The following EPN2 variants were observed in gnomAD, a reference collection of about 807,000 sequenced individuals.
EPN2 encodes the protein epsin-2.
A neutral mutation model predicts 61.7 loss-of-function variants in EPN2; 34 were observed. That is an observed-to-expected ratio of 0.55 (90% CI 0.42 to 0.73). EPN2 has a LOEUF of 0.73. Ranked by LOEUF, EPN2 falls within the 30% of genes least tolerant of loss-of-function variation. The pLI, the probability that EPN2 is intolerant of heterozygous loss-of-function variation, is 0.00. For missense variants in EPN2, 714 were observed against 839.2 expected (o/e 0.85, Z 1.84); for synonymous variants, 349 against 353.6 (o/e 0.99, Z 0.15).
At chr17:19,304,485 C>T (rs1008464862) in intron 4 of EPN2, among the ~76,000 whole-genome samples, 12 of 152,230 alleles carry the variant, frequency 7.9e-5, no homozygotes, top group Non-Finnish European at 1.6e-4. Context: ...AGGCCTGTTC[C>T]TCGGAGGCCT....
rs1304850646 is a variant in EPN2, at chr17:19,331,968, T to A, written c.1527T>A (p.Pro509=). 1.2e-6 allele frequency: 2 copies of A among 1,614,138 alleles called. No individual in the cohort carries two copies. Among genetic ancestry groups the A allele is most frequent in the Admixed American group, 3.3e-5 (2 of 60,024 alleles). ...SSKPSSARKT[P]ESFLGPNAAL... The stretch of plus-strand genomic sequence containing the variant: ...AGCCCAGCAGTGCCCGGAAAACACC[T>A]GAGTCCTTCCTGGGCCCCAACGCGG... Residue 509 remains proline (P), a synonymous_variant, in exon 10 of 11, where the codon CCT becomes CCA. Coordinates refer to ENST00000314728, the MANE Select transcript of EPN2 (RefSeq NM_014964.5).
intron 1 of EPN2, chr17:19,276,622 A>G (rs2045308102): frequency 6.6e-6 from 1 of 152,092 alleles, no homozygotes; most frequent in Non-Finnish European, 1.5e-5. Flanking sequence ...AAGTTTTGAC[A>G]GAATTGTACA....
intron 1 of EPN2, among the ~76,000 whole-genome samples, chr17:19,246,346 A>G (rs1335696534): frequency 6.6e-6 from 1 of 152,142 alleles, no homozygotes; most frequent in Non-Finnish European, 1.5e-5. Flanking sequence ...ACAGAGCGAG[A>G]CTGTCTCAAA....
At chr17:19,280,436 G>A (rs1337129956) in intron 1 of EPN2, among the ~76,000 whole-genome samples, 1 of 152,186 alleles carries the variant, frequency 6.6e-6, no homozygotes, top group African/African-American at 2.4e-5. Context: ...TACATCAAAT[G>A]TGCAGGTCAC....
intron 1 of EPN2, among the ~76,000 whole-genome samples, chr17:19,272,691 T>G (rs2045267099): frequency 6.6e-6 from 1 of 152,214 alleles, no homozygotes; most frequent in South Asian, 2.1e-4. Context: ...AGAATGCTGT[T>G]CATAATTTGG....
chr17:19,335,611 A>C lies in EPN2; in HGVS notation c.*1357A>C. 3.0e-5 allele frequency: 18 copies of C among 605,556 alleles called. No individual in the cohort carries two copies. The highest frequency in any genetic ancestry group is 6.7e-5 in the East Asian group (2 of 29,938). The allele number at this position is 605,556 out of a possible 1,614,324, so 37.5% of individuals were successfully genotyped here. Reference sequence around the variant, plus strand: ...TCCCTGGGCAACAGTCCCTAGGCTAAGACAGGGGTGGGGGGCTAAGGGACC... The same window carrying C: ...TCCCTGGGCAACAGTCCCTAGGCTACGACAGGGGTGGGGGGCTAAGGGACC... On this transcript the variant is annotated 3_prime_UTR_variant, in exon 11 of 11. Transcript: ENST00000314728.
intron 5 of EPN2, 124 bp from the exon 6 acceptor site, chr17:19,311,928 T>C: frequency 1.4e-6 from 1 of 716,754 alleles, no homozygotes; most frequent in Admixed American, 2.2e-5. Flanking sequence ...GTTTTACAAG[T>C]AGTTTTGAAA....
chr17:19,312,274 C>T (rs994685937), intron 6 of EPN2, 130 bp downstream of exon 6: 1 of 673,446 alleles, frequency 1.5e-6, no homozygotes, highest in Non-Finnish European at 2.6e-6. Context: ...ACCTTCATGC[C>T]TGTAGTGAGC....
intron 4 of EPN2, among the ~76,000 whole-genome samples, chr17:19,288,586 A>G (rs2045427940): frequency 6.6e-6 from 1 of 152,098 alleles, no homozygotes; most frequent in East Asian, 1.9e-4. Context: ...GAGTGTGCTC[A>G]GGGTGTTTGA....
At position 19,283,666 on chromosome 17, in the gene EPN2, G is replaced by A. The variant is rs769642764; in HGVS notation, c.547G>A (p.Glu183Lys). 1 of 1,612,814 alleles carries A rather than the reference G, an allele frequency of 6.2e-7. No homozygotes were observed. Among genetic ancestry groups the A allele is most frequent in the Non-Finnish European group, 8.5e-7 (1 of 1,179,236 alleles). The change falls in exon 3 of 11, where the codon GAG (glutamate) becomes AAG (lysine). Residue 183 changes from glutamate (E) to lysine (K), a missense_variant. Around this residue, in one of 2 missense-constraint regions of EPN2, gnomAD observed 304 missense variants for 417.4 expected, o/e 0.73. Coordinates refer to ENST00000314728, the MANE Select transcript of EPN2 (RefSeq NM_014964.5). This position sits in a 1 kb window ranked among gnomAD's most constrained non-coding sequence, Gnocchi z 7.0. ...GCCCAACCTCTCCACCAGCCACTCGGAGCAGGAGTATGGCAAGGCCGGGGG... is the reference window on the plus strand; with the variant it reads ...GCCCAACCTCTCCACCAGCCACTCGAAGCAGGAGTATGGCAAGGCCGGGGG... ...SQPNLSTSHS[E>K]QEYGKAGGSP... is the part of the protein sequence containing the mutation.
intron 1 of EPN2, among the ~76,000 whole-genome samples, chr17:19,272,617 C>T (rs2045266382): frequency 6.6e-6 from 1 of 152,122 alleles, no homozygotes; most frequent in African/African-American, 2.4e-5. Flanking sequence ...TGGCCCTGAT[C>T]CCTGGATTCC....
chr17:19,238,236 TC>T (rs1332419612), intron 1 of EPN2, among the ~76,000 whole-genome samples: 1 of 152,196 alleles, frequency 6.6e-6, no homozygotes. Flanking sequence ...GCTCGGCTGA[TC>T]CGGGTGGGTG....
At chr17:19,294,831 G>A (rs1312131434) in intron 4 of EPN2, among the ~76,000 whole-genome samples, 1 of 152,182 alleles carries the variant, frequency 6.6e-6, no homozygotes, top group Non-Finnish European at 1.5e-5. Context: ...ACTGGGGGCT[G>A]CTGGTTCCCT....
At chr17:19,332,252 A>G (rs771447505) in intron 10 of EPN2, among the ~76,000 whole-genome samples, 184 bp downstream of exon 10, 2 of 151,966 alleles carry the variant, frequency 1.3e-5, no homozygotes, top group Non-Finnish European at 2.9e-5. Context: ...GTTGTCAGTT[A>G]TGTGGGGAGT....
chr17:19,315,690 G>T (rs1479842863), intron 7 of EPN2, among the ~76,000 whole-genome samples: 2 of 152,056 alleles, frequency 1.3e-5, no homozygotes, highest in Non-Finnish European at 2.9e-5. Flanking sequence ...TCACCATGTT[G>T]GCTGGGCTGG....
At chr17:19,314,740 T>C (rs1260867024) in intron 7 of EPN2, among the ~76,000 whole-genome samples, 1 of 152,230 alleles carries the variant, frequency 6.6e-6, no homozygotes, top group African/African-American at 2.4e-5. Flanking sequence ...GTTCCAGGGC[T>C]GCTCAAGAGG....
chr17:19,320,712 T>C (rs1263919206), intron 7 of EPN2, among the ~76,000 whole-genome samples: 1 of 152,188 alleles, frequency 6.6e-6, no homozygotes, highest in Non-Finnish European at 1.5e-5. Flanking sequence ...TCTAAGACAC[T>C]TGAAAGCTCC....
At chr17:19,287,241 GC>G (rs2045414739) in intron 4 of EPN2, among the ~76,000 whole-genome samples, 1 of 151,874 alleles carries the variant, frequency 6.6e-6, no homozygotes, top group South Asian at 2.1e-4. Context: ...CCCACCACCT[GC>G]CCCCTGTTCC....
chr17:19,277,881 G>A (rs985805456), intron 1 of EPN2, among the ~76,000 whole-genome samples: 3 of 152,076 alleles, frequency 2.0e-5, no homozygotes, highest in Admixed American at 6.6e-5. Flanking sequence ...GACCATCCTG[G>A]CTAACACGGT....
Sources: gnomAD v4.1 joint callset for allele counts (sites outside exome capture counted in the v4.1 genomes callset) on GRCh38, gnomAD v4.1.1 for gene constraint, gnomAD v4.1.1 regional missense constraint, Gnocchi (gnomAD v3.1) non-coding constraint, MANE v1.5 for transcripts, NCBI Gene and HGNC (gene_info 2026-07-23, HGNC 2026-07-21) for gene names.